The following ATP11A variants were observed in gnomAD, a reference collection of about 807,000 sequenced individuals.
ATP11A encodes the protein phospholipid-transporting ATPase IH.
A neutral mutation model predicts 154.4 loss-of-function variants in ATP11A; 81 were observed. The observed-to-expected ratio is 0.52, with a 90% CI of 0.44 to 0.63. The LOEUF (loss-of-function observed/expected upper bound fraction) is 0.63. Among genes scored for constraint, ATP11A ranks in the 30% least tolerant of loss-of-function variants. The pLI, the probability that ATP11A is intolerant of heterozygous loss-of-function variation, is 0.00. For synonymous variants in ATP11A, 623 were observed against 585.9 expected (o/e 1.06, Z -0.91); for missense variants, 1,316 against 1,474.3 (o/e 0.89, Z 1.76).
chr13:112,826,601 A>T, intron 11 of ATP11A, 93 bp from the exon 12 acceptor site: 1 of 1,025,454 alleles, frequency 9.8e-7, no homozygotes, highest in Non-Finnish European at 1.5e-6. Context: ...CGCTCGTATA[A>T]CTTATGCCTA....
At chr13:112,729,831 A>G (rs1890303966) in intron 1 of ATP11A, among the ~76,000 whole-genome samples, 1 of 152,238 alleles carries the variant, frequency 6.6e-6, no homozygotes, top group African/African-American at 2.4e-5. Flanking sequence ...AAAACGCGCA[A>G]ACTGTTAATG....
chr13:112,741,226 C>T (rs891790906), intron 1 of ATP11A, among the ~76,000 whole-genome samples: 3 of 151,658 alleles, frequency 2.0e-5, no homozygotes, highest in Non-Finnish European at 2.9e-5. Context: ...GAGCTGTAGT[C>T]GGGAGGGTTG....
chr13:112,881,461 T>C, intron 29 of ATP11A: 4 of 1,078,558 alleles, frequency 3.7e-6, no homozygotes, highest in Non-Finnish European at 4.5e-6. Flanking sequence ...GCGTTCGAGC[T>C]CACTGCACAG....
chr13:112,701,274 C>T (rs1330550249), intron 1 of ATP11A, among the ~76,000 whole-genome samples: 3 of 152,182 alleles, frequency 2.0e-5, no homozygotes, highest in Non-Finnish European at 4.4e-5. Context: ...ATTGTTGCTG[C>T]GTGCTTATCA....
chr13:112,813,519 T>C (rs1381452333), intron 5 of ATP11A, among the ~76,000 whole-genome samples: 1 of 152,232 alleles, frequency 6.6e-6, no homozygotes, highest in Non-Finnish European at 1.5e-5. Flanking sequence ...GTTGAAGGGC[T>C]TTTCGATTTT....
intron 25 of ATP11A, among the ~76,000 whole-genome samples, chr13:112,863,297 C>A (rs199662841): frequency 2.3e-5 from 3 of 128,786 alleles, no homozygotes; most frequent in Admixed American, 7.9e-5. Context: ...CCATCACCAC[C>A]TGCGCAGTAA....
At position 112,885,909 on chromosome 13, in the gene ATP11A, G is replaced by A. The variant is rs1290172105; in HGVS notation, c.*4043G>A. 1.3e-5 allele frequency: 2 copies of A among 152,310 alleles called. No individual in the cohort carries two copies. The highest frequency in any genetic ancestry group is 2.9e-5 in the Non-Finnish European group (2 of 68,098). 9.4% of individuals were successfully genotyped at this position (152,310 alleles called of 1,614,324 possible). A position where few individuals can be genotyped will look rare whatever the true frequency, so the allele number is the denominator to read the frequency against. ...AGTCGCAGCTTCACTTACACCAGCT[G>A]CTCTGTGAGCAAGGCTTGGTGCCCT... On this transcript the variant is annotated 3_prime_UTR_variant, in exon 30 of 30. Coordinates refer to ENST00000375645, the MANE Select transcript of ATP11A (RefSeq NM_015205.3).
chr13:112,875,899 C>T lies in ATP11A; in HGVS notation c.3285C>T (p.Val1095=). 2 of 1,613,340 alleles carry T rather than the reference C, an allele frequency of 1.2e-6. No individual in the cohort carries two copies. Among genetic ancestry groups the T allele is most frequent in the Non-Finnish European group, 1.7e-6 (2 of 1,180,034 alleles). The change falls in exon 28 of 30, where the codon GTC becomes GTT. Residue 1095 remains valine, a synonymous_variant. Transcript: ENST00000375645. The surrounding 1 kb of genome is among the most constrained non-coding windows in gnomAD (Gnocchi z 4.1). The stretch of plus-strand genomic sequence containing the variant: ...TCCTTCCCGACGTCCTCAAGAAAGT[C>T]CTGTGCCGGCAGCTGTGGCCAACAG... The part of the protein sequence containing the change: ...ISLLPDVLKK[V]LCRQLWPTAT...
At chr13:112,826,442 C>T (rs936517970) in intron 11 of ATP11A, among the ~76,000 whole-genome samples, 11 of 152,172 alleles carry the variant, frequency 7.2e-5, no homozygotes, top group African/African-American at 2.2e-4. Context: ...TGTCTTAACT[C>T]GTGATTTAAT....
chr13:112,714,755 CTG>C (rs540732599), intron 1 of ATP11A, among the ~76,000 whole-genome samples: 276 of 152,340 alleles, frequency 1.8e-3, no homozygotes, highest in African/African-American at 5.3e-3. Flanking sequence ...AGTGAGGCCA[CTG>C]TGGATCAGGC....
intron 1 of ATP11A, among the ~76,000 whole-genome samples, chr13:112,695,078 A>G (rs1402325136): frequency 6.6e-6 from 1 of 152,184 alleles, no homozygotes; most frequent in South Asian, 2.1e-4. Context: ...CCCTGTTTTA[A>G]AATTTTAGAA....
At chr13:112,878,748 CT>C (rs1290555955) in intron 29 of ATP11A, among the ~76,000 whole-genome samples, 1 of 152,240 alleles carries the variant, frequency 6.6e-6, no homozygotes, top group Non-Finnish European at 1.5e-5. Context: ...CACGCACCCA[CT>C]TCTGTGCCCA....
At position 112,859,152 on chromosome 13, in the gene ATP11A, T is replaced by C; in HGVS notation, c.2668-241T>C. On this transcript the variant is annotated intron_variant, in intron 22 of 29. Transcript: ENST00000375645. This position sits in a 1 kb window ranked among gnomAD's most constrained non-coding sequence, Gnocchi z 4.3. ...CTGATACCTGCATTGCCTTCTTGTTTCTCTTGGAGCTGACAAATTTCCTCT... is the reference window on the plus strand; with the variant it reads ...CTGATACCTGCATTGCCTTCTTGTTCCTCTTGGAGCTGACAAATTTCCTCT... The C allele has an allele frequency of 1.9e-6, 1 of 527,642 alleles. No individual in the cohort carries two copies. Among genetic ancestry groups the C allele is most frequent in the Non-Finnish European group, 3.4e-6 (1 of 290,462 alleles). The allele number at this position is 527,642 out of a possible 1,614,324, so 32.7% of individuals were successfully genotyped here. A position where few individuals can be genotyped will look rare whatever the true frequency, so the allele number is the denominator to read the frequency against.
chr13:112,848,141 T>A (rs1485656676), intron 17 of ATP11A, among the ~76,000 whole-genome samples: 1 of 152,206 alleles, frequency 6.6e-6, no homozygotes, highest in Non-Finnish European at 1.5e-5. Context: ...GGGATGTTGA[T>A]AGGATTTCAT....
At chr13:112,805,181 T>G in intron 3 of ATP11A, 135 bp downstream of exon 3, 1 of 629,592 alleles carries the variant, frequency 1.6e-6, no homozygotes, top group Non-Finnish European at 2.6e-6. Context: ...TTTATTTATT[T>G]TCTTAAGGAA....
chr13:112,835,279 C>T (rs1239374746), intron 15 of ATP11A, among the ~76,000 whole-genome samples: 1 of 152,216 alleles, frequency 6.6e-6, no homozygotes, highest in African/African-American at 2.4e-5. Context: ...GGTGGCTTAT[C>T]AACAAGCACG....
chr13:112,840,432 C>A (rs1361716995), intron 16 of ATP11A, among the ~76,000 whole-genome samples: 4 of 68,042 alleles, frequency 5.9e-5, no homozygotes, highest in African/African-American at 1.3e-4. Flanking sequence ...TCCCCTCCAG[C>A]CTCAGCCTCC....
chr13:112,856,207 G>C lies in ATP11A; in HGVS notation c.2418+122G>C, dbSNP rs1285287131. 6.1e-6 allele frequency: 6 copies of C among 988,188 alleles called. No individual in the cohort carries two copies. In the East Asian group the frequency reaches 1.0e-4, roughly 17 times the overall value. 61.2% of individuals were successfully genotyped at this position (988,188 alleles called of 1,614,324 possible). On this transcript the variant is annotated intron_variant, in intron 20 of 29. Transcript: ENST00000375645. Reference sequence around the variant, plus strand: ...AGCAGGGTACCACCTGTTAAAAATAGAAGCAACCGTGATAGAGATTTAAAA... The same window carrying C: ...AGCAGGGTACCACCTGTTAAAAATACAAGCAACCGTGATAGAGATTTAAAA...
At chr13:112,755,965 A>C (rs1044331716) in intron 1 of ATP11A, among the ~76,000 whole-genome samples, 2 of 134,762 alleles carry the variant, frequency 1.5e-5, no homozygotes, top group African/African-American at 5.6e-5. Context: ...CGGAAGCGGC[A>C]CTCAGAGCGG....
Sources: allele counts gnomAD v4.1 joint callset (sites outside exome capture counted in the v4.1 genomes callset), GRCh38; gene constraint gnomAD v4.1.1; non-coding constraint Gnocchi (gnomAD v3.1); transcripts MANE v1.5; gene names NCBI Gene and HGNC (gene_info 2026-07-23, HGNC 2026-07-21).